Variants in NPIPB2 observed in about 807,000 individuals in gnomAD.
The protein encoded by NPIPB2 is nuclear pore complex-interacting protein family member B2.
In NPIPB2, 27 loss-of-function variants were observed where a neutral mutation model predicts 30.8. That is an observed-to-expected ratio of 0.88 (90% CI 0.65 to 1.21). NPIPB2 has a LOEUF of 1.21. Ranked by LOEUF, NPIPB2 falls within the 50% of genes most tolerant of loss-of-function variation. The pLI is 0.00. For synonymous variants in NPIPB2, 147 were observed against 162.0 expected, an observed-to-expected ratio of 0.91 and a Z score of 0.70; for missense variants, 440 against 446.2, an observed-to-expected ratio of 0.99 and a Z score of 0.13.
upstream of NPIPB2, among the ~76,000 whole-genome samples, chr16:11,943,989 C>G (rs1311384026): frequency 4.4e-4 from 4 of 9,052 alleles, no homozygotes; most frequent in Non-Finnish European, 9.7e-4. Context: ...CAGAGCAAGA[C>G]TCTGTCTCAA....
At chr16:11,945,050 G>A (rs1476919537), upstream of NPIPB2, among the ~76,000 whole-genome samples, 1 of 151,904 alleles carries the variant, frequency 6.6e-6, no homozygotes, top group African/African-American at 2.4e-5. Context: ...AGCCAGGCAT[G>A]GTGGAGCATG....
intron 1 of NPIPB2, among the ~76,000 whole-genome samples, chr16:11,953,712 A>ATTTTTTTTTTTTTTTTTTTTT (rs36103994): frequency 1.3e-5 from 1 of 75,546 alleles, no homozygotes; most frequent in African/African-American, 4.6e-5. Context: ...ATTTACTTTA[A>ATTTTTTTTTTTTTTTTTTTTT]TTTTTTTTTT....
intron 1 of NPIPB2, among the ~76,000 whole-genome samples, chr16:11,974,899 C>T (rs898307752): frequency 2.6e-5 from 4 of 151,774 alleles, no homozygotes; most frequent in African/African-American, 9.7e-5. Flanking sequence ...CGTTGAAACC[C>T]CGTCTCTACT....
intron 1 of NPIPB2, among the ~76,000 whole-genome samples, chr16:11,948,487 C>T (rs972890057): frequency 5.3e-5 from 8 of 152,138 alleles, no homozygotes; most frequent in African/African-American, 1.7e-4. Flanking sequence ...TGGAAACTTA[C>T]TGGGCGCAGT....
intron 1 of NPIPB2, among the ~76,000 whole-genome samples, chr16:11,939,217 A>G (rs1171584241): frequency 6.6e-6 from 1 of 151,824 alleles, no homozygotes. Flanking sequence ...AAAAAATACA[A>G]TGAAGAGATT....
intron 2 of NPIPB2, among the ~76,000 whole-genome samples, chr16:11,934,628 A>G (rs1209078087): frequency 6.6e-6 from 1 of 151,568 alleles, no homozygotes; most frequent in Non-Finnish European, 1.5e-5. Context: ...TGGGAGGCTG[A>G]GGTGGGTGAA....
At chr16:11,943,469 T>C (rs1402551534), upstream of NPIPB2, among the ~76,000 whole-genome samples, 4 of 149,784 alleles carry the variant, frequency 2.7e-5, no homozygotes, top group South Asian at 2.1e-4. Flanking sequence ...TTTGGGAGGC[T>C]GAGGCAGGCG....
intron 1 of NPIPB2, among the ~76,000 whole-genome samples, chr16:11,965,654 T>G (rs1292658744): frequency 6.6e-6 from 1 of 152,204 alleles, no homozygotes; most frequent in Non-Finnish European, 1.5e-5. Flanking sequence ...TCAGCACTAT[T>G]AGCAACATAG....
intron 1 of NPIPB2, chr16:11,941,705 G>A (rs1261808975): frequency 2.0e-5 from 14 of 713,870 alleles, no homozygotes; most frequent in South Asian, 4.6e-5. Flanking sequence ...TGATGACCCC[G>A]GTGGTGCCTC....
intron 1 of NPIPB2, among the ~76,000 whole-genome samples, chr16:11,954,343 G>A (rs1320280115): frequency 6.6e-6 from 1 of 151,996 alleles, no homozygotes. Context: ...AGCCGGTCGT[G>A]GTTGCAAGCC....
At chr16:11,944,534 G>A (rs533561699), upstream of NPIPB2, among the ~76,000 whole-genome samples, 114 of 151,378 alleles carry the variant, frequency 7.5e-4, no homozygotes, top group Admixed American at 1.4e-3. Context: ...AGGCCGAGGC[G>A]GGTGGATCAC....
At chr16:11,967,542 G>T (rs2055204800) in intron 1 of NPIPB2, 2 of 1,598,720 alleles carry the variant, frequency 1.3e-6, no homozygotes, top group East Asian at 2.2e-5. Flanking sequence ...TGAAGTTTGG[G>T]TTAATGTTTC....
intron 2 of NPIPB2, 119 bp from the exon 3 acceptor site, chr16:11,934,043 C>T: frequency 1.4e-6 from 1 of 711,346 alleles, no homozygotes; most frequent in East Asian, 2.7e-5. Context: ...CCAGCCTGGC[C>T]AAGATGGTGA....
chr16:11,950,137 ATTC>A (rs1331754030), intron 1 of NPIPB2, among the ~76,000 whole-genome samples: 1 of 152,012 alleles, frequency 6.6e-6, no homozygotes, highest in Non-Finnish European at 1.5e-5. Flanking sequence ...GGTTCAAGGG[ATTC>A]TCCTGCCTCA....
chr16:11,952,354 A>G (rs1022055481), intron 1 of NPIPB2, among the ~76,000 whole-genome samples: 12 of 151,748 alleles, frequency 7.9e-5, no homozygotes, highest in Admixed American at 7.2e-4. Context: ...TCTCAAAAAT[A>G]AAAAATAAAA....
In NPIPB2 at chr16:11,965,143, T is replaced by G; in HGVS notation, c.-584+11425A>C. ...TTAGAAACTTGAATTAGATGTGGTATTCAAATCCTTAGCTGCCGCGAAGAC... is the reference window on the plus strand; with the variant it reads ...TTAGAAACTTGAATTAGATGTGGTAGTCAAATCCTTAGCTGCCGCGAAGAC... On this transcript the variant is annotated intron_variant, in intron 1 of 5. Coordinates refer to the NPIPB2 transcript ENST00000538896. The G allele has an allele frequency of 2.9e-6, 2 of 691,482 alleles. 1 individual carries two copies. 42.8% of individuals were successfully genotyped at this position (691,482 alleles called of 1,614,324 possible).
intron 4 of NPIPB2, among the ~76,000 whole-genome samples, chr16:11,932,577 A>T (rs1027523568): frequency 6.7e-6 from 1 of 149,868 alleles, no homozygotes; most frequent in Admixed American, 6.7e-5. Flanking sequence ...GGAGTTCTAG[A>T]CCAGCTTGGC....
Position 11,936,253 on chromosome 16 carries a change from G to A in NPIPB2, c.192+1287C>T, listed in dbSNP as rs1447982638. Among the ~76,000 whole-genome samples the A allele has an allele frequency of 5.3e-5, 8 of 151,484 alleles. No homozygotes were observed. In the South Asian group the frequency reaches 8.4e-4, roughly 16 times the overall value. ...CAGGAGGTGGAGGTTGCAGTGAGCC[G>A]AGGTCACACCATTATACTCCAGCCT... On this transcript the variant is annotated intron_variant, in intron 2 of 7. Transcript: ENST00000399147.
upstream of NPIPB2, among the ~76,000 whole-genome samples, chr16:11,944,921 G>A (rs2054989211): frequency 6.6e-6 from 1 of 151,772 alleles, no homozygotes. Flanking sequence ...GCTCATGCCT[G>A]TAATCCCAGC....
Sources: allele counts gnomAD v4.1 joint callset (sites outside exome capture counted in the v4.1 genomes callset), GRCh38; gene constraint gnomAD v4.1.1; transcripts MANE v1.5; gene names NCBI Gene and HGNC (gene_info 2026-07-23, HGNC 2026-07-21).